WDR49: variants seen among roughly 807,000 people sequenced by gnomAD.
The protein encoded by WDR49 is cilia- and flagella-associated protein 337.
In WDR49, 107 loss-of-function variants were observed where a neutral mutation model predicts 119.5. The observed-to-expected ratio is 0.90, with a 90% confidence interval of 0.77 to 1.05. WDR49 has a LOEUF of 1.05. Ranked by LOEUF, WDR49 falls within the 50% of genes least tolerant of loss-of-function variation. The pLI, the probability that WDR49 is intolerant of heterozygous loss-of-function variation, is 0.00. For missense variants in WDR49, 1,240 were observed against 1,220.5 expected, an observed-to-expected ratio of 1.02 and a Z score of -0.24; for synonymous variants, 425 against 418.8, an observed-to-expected ratio of 1.01 and a Z score of -0.18.
chr3:167,585,339 A>G (rs573008991), intron 7 of WDR49, among the ~76,000 whole-genome samples: 59 of 151,442 alleles, frequency 3.9e-4, no homozygotes, highest in Non-Finnish European at 7.5e-4. Context: ...TAATAGCATA[A>G]CTTCTAGAAA....
intron 10 of WDR49, among the ~76,000 whole-genome samples, chr3:167,545,140 C>T (rs1340194181): frequency 6.6e-6 from 1 of 151,964 alleles, no homozygotes; most frequent in Non-Finnish European, 1.5e-5. Flanking sequence ...ATCAAAACAG[C>T]AATGAGATAC....
In WDR49 at chr3:167,478,924, T is replaced by G; in HGVS notation, c.3104A>C (p.Gln1035Pro). 2 of 1,610,212 alleles carry G rather than the reference T, an allele frequency of 1.2e-6. No homozygotes were observed. The highest frequency in any genetic ancestry group is 1.7e-6 in the Non-Finnish European group (2 of 1,179,134). Reference sequence around the variant, plus strand: ...TTCACAACTTTTTTCTTGGCATAATTGCTTGGCTTTTCGTTCATGATGCAG... The same window carrying G: ...TTCACAACTTTTTTCTTGGCATAATGGCTTGGCTTTTCGTTCATGATGCAG... ...EILHHERKAK[Q>P]LCQEKSCEVK... The change falls in exon 19 of 19, where the codon CAA becomes CCA. Residue 1035 changes from glutamine to proline, a missense_variant. Transcript: ENST00000682715.
At chr3:167,512,111 G>A (rs1302244339) in intron 16 of WDR49, among the ~76,000 whole-genome samples, 1 of 152,172 alleles carries the variant, frequency 6.6e-6, no homozygotes, top group Non-Finnish European at 1.5e-5. Context: ...GACAGATAGA[G>A]TGCTTCGTTA....
intron 10 of WDR49, among the ~76,000 whole-genome samples, chr3:167,545,492 A>G (rs1413858662): frequency 7.8e-6 from 1 of 128,994 alleles, no homozygotes; most frequent in Admixed American, 7.6e-5. Context: ...TACCATATAT[A>G]TATTATATAT....
chr3:167,614,877 G>C (rs959757236), intron 5 of WDR49, among the ~76,000 whole-genome samples: 4 of 152,128 alleles, frequency 2.6e-5, no homozygotes, highest in Admixed American at 2.0e-4. Context: ...CACGTTACTG[G>C]GGTAAAGAGA....
intron 8 of WDR49, among the ~76,000 whole-genome samples, chr3:167,568,225 T>G (rs1713721313): frequency 1.3e-5 from 2 of 152,238 alleles, no homozygotes; most frequent in Admixed American, 1.3e-4. Context: ...GCTTCTTGAT[T>G]GGCAGAATCT....
chr3:167,636,282 A>C (rs1203933480), intron 2 of WDR49, among the ~76,000 whole-genome samples: 4 of 151,618 alleles, frequency 2.6e-5, no homozygotes, highest in African/African-American at 7.3e-5. Context: ...GGTTGCTGCA[A>C]ATATCATTAA....
At chr3:167,653,702 CT>C (rs1367733555) in intron 1 of WDR49, 131 bp downstream of exon 1, 2 of 256,390 alleles carry the variant, frequency 7.8e-6, no homozygotes, top group Admixed American at 5.0e-5. Context: ...TCCTTATACT[CT>C]GTTTAACCTG....
chr3:167,520,060 C>T (rs1404379783), intron 16 of WDR49, among the ~76,000 whole-genome samples: 1 of 146,534 alleles, frequency 6.8e-6, no homozygotes, highest in Non-Finnish European at 1.5e-5. Flanking sequence ...ATGACAAAAC[C>T]TCATCTATAA....
intron 16 of WDR49, 71 bp from the exon 17 acceptor site, chr3:167,505,487 G>T: frequency 2.1e-6 from 3 of 1,400,366 alleles, no homozygotes; most frequent in South Asian, 3.1e-5. Context: ...CTGGCTATGT[G>T]TATCTTTGAC....
At chr3:167,572,776 T>G (rs1413304354) in intron 8 of WDR49, among the ~76,000 whole-genome samples, 1 of 152,136 alleles carries the variant, frequency 6.6e-6, no homozygotes, top group Non-Finnish European at 1.5e-5. Context: ...AGAGGAGAAG[T>G]AAGTGTGGGT....
intron 8 of WDR49, among the ~76,000 whole-genome samples, chr3:167,562,517 A>G (rs1713327527): frequency 6.6e-6 from 1 of 152,238 alleles, no homozygotes; most frequent in Non-Finnish European, 1.5e-5. Flanking sequence ...ATTTTCTCTC[A>G]GTGAAATCAA....
intron 7 of WDR49, among the ~76,000 whole-genome samples, chr3:167,577,884 C>A (rs1225293395): frequency 6.6e-6 from 1 of 152,006 alleles, no homozygotes. Context: ...AATGATGGTT[C>A]TATCCCAACT....
chr3:167,540,818 GAA>G (rs1306288428), intron 10 of WDR49, among the ~76,000 whole-genome samples: 2 of 151,544 alleles, frequency 1.3e-5, no homozygotes, highest in Non-Finnish European at 2.9e-5. Flanking sequence ...GGATATGGAT[GAA>G]AAAATGGTCC....
intron 18 of WDR49, among the ~76,000 whole-genome samples, chr3:167,486,029 C>T (rs1750906865): frequency 6.6e-6 from 1 of 151,726 alleles, no homozygotes; most frequent in South Asian, 2.1e-4. Context: ...AGAGAGACCA[C>T]ATCAGGCTAG....
At chr3:167,556,614 C>T (rs551259519) in intron 9 of WDR49, among the ~76,000 whole-genome samples, 35 of 152,290 alleles carry the variant, frequency 2.3e-4, no homozygotes, top group Admixed American at 7.2e-4. Flanking sequence ...GGCCAGGCAC[C>T]GTGGCTCATG....
intron 5 of WDR49, among the ~76,000 whole-genome samples, chr3:167,612,619 T>C (rs1312478694): frequency 6.6e-6 from 1 of 150,614 alleles, no homozygotes; most frequent in African/African-American, 2.4e-5. Flanking sequence ...AAATCAGAAA[T>C]GAAAAAGGAG....
intron 16 of WDR49, among the ~76,000 whole-genome samples, chr3:167,519,746 C>T (rs1752360629): frequency 6.6e-6 from 1 of 152,018 alleles, no homozygotes; most frequent in African/African-American, 2.4e-5. Context: ...CATACATTTA[C>T]CTATGTAACA....
chr3:167,588,286 C>T (rs997194192), intron 7 of WDR49, among the ~76,000 whole-genome samples: 17 of 152,156 alleles, frequency 1.1e-4, no homozygotes, highest in African/African-American at 3.6e-4. Context: ...CAGGATCTTA[C>T]TCTTTTTTAT....
Sources: allele counts gnomAD v4.1 joint callset (sites outside exome capture counted in the v4.1 genomes callset), GRCh38; gene constraint gnomAD v4.1.1; transcripts MANE v1.5; gene names NCBI Gene and HGNC (gene_info 2026-07-23, HGNC 2026-07-21).